Variants in NXPH1 observed in about 807,000 individuals in gnomAD.
The protein encoded by NXPH1 is neurexophilin-1.
Under a neutral mutation model 23.7 loss-of-function variants are expected in NXPH1, and 5 were observed. That is an observed-to-expected ratio of 0.21 (90% CI 0.11 to 0.44). The LOEUF (loss-of-function observed/expected upper bound fraction) is 0.44, where lower values mean the gene tolerates loss of function less well. Ranked by LOEUF, NXPH1 falls within the 20% of genes least tolerant of loss-of-function variation. NXPH1 has a pLI of 0.99. For missense variants in NXPH1, 324 were observed against 321.6 expected (o/e 1.01, Z -0.06); for synonymous variants, 144 against 122.2 (o/e 1.18, Z -1.18).
At chr7:8,468,111 T>C (rs1326570245) in intron 2 of NXPH1, among the ~76,000 whole-genome samples, 2 of 152,122 alleles carry the variant, frequency 1.3e-5, no homozygotes, top group African/African-American at 4.8e-5. Flanking sequence ...TAATATACTT[T>C]CACCAAAATT....
intron 2 of NXPH1, among the ~76,000 whole-genome samples, chr7:8,645,363 G>A (rs886072167): frequency 2.6e-5 from 4 of 152,008 alleles, no homozygotes; most frequent in African/African-American, 9.7e-5. Flanking sequence ...TATATTATAT[G>A]GAAGGTTGTA....
intron 2 of NXPH1, among the ~76,000 whole-genome samples, chr7:8,541,095 CA>C (rs1301650338): frequency 6.6e-6 from 1 of 151,654 alleles, no homozygotes; most frequent in Non-Finnish European, 1.5e-5. Context: ...GGAGAAAAAT[CA>C]AACAATCAAA....
chr7:8,622,665 A>G (rs114969869), intron 2 of NXPH1, among the ~76,000 whole-genome samples: 2,648 of 152,300 alleles, frequency 0.017, 54 homozygotes, highest in South Asian at 0.044. Flanking sequence ...TGATTTGTCA[A>G]CAAGTCAGGA....
chr7:8,563,846 T>A (rs7788869), intron 2 of NXPH1, among the ~76,000 whole-genome samples: 12,359 of 151,836 alleles, frequency 0.081, 1,674 homozygotes, highest in African/African-American at 0.28. Context: ...GCCCAAACCA[T>A]AAACCCTGGA....
intron 2 of NXPH1, among the ~76,000 whole-genome samples, chr7:8,574,964 C>A (rs758017061): frequency 1.3e-5 from 2 of 152,104 alleles, no homozygotes; most frequent in Non-Finnish European, 2.9e-5. Context: ...ACCAGACATG[C>A]TTGGTTAAGA....
intron 2 of NXPH1, among the ~76,000 whole-genome samples, chr7:8,477,702 G>C (rs1353811970): frequency 6.6e-6 from 1 of 152,106 alleles, no homozygotes; most frequent in Non-Finnish European, 1.5e-5. Flanking sequence ...GCTGGGGGAG[G>C]ATGGCTGCAT....
At chr7:8,656,285 C>T (rs1200110773) in intron 2 of NXPH1, among the ~76,000 whole-genome samples, 3 of 152,088 alleles carry the variant, frequency 2.0e-5, no homozygotes, top group Non-Finnish European at 2.9e-5. Flanking sequence ...CAAGTAGGTT[C>T]TCTGTAATAT....
At chr7:8,711,630 T>A (rs969733018) in intron 2 of NXPH1, among the ~76,000 whole-genome samples, 1 of 152,022 alleles carries the variant, frequency 6.6e-6, no homozygotes, top group African/African-American at 2.4e-5. Context: ...TTTTGGGGTA[T>A]GGGAAGAAAG....
intron 2 of NXPH1, among the ~76,000 whole-genome samples, chr7:8,620,138 C>T (rs6960080): frequency 0.33 from 50,232 of 152,012 alleles, 9,880 homozygotes; most frequent in African/African-American, 0.54. Context: ...CTACTATTAT[C>T]TTCTGTGTAC....
intron 2 of NXPH1, among the ~76,000 whole-genome samples, chr7:8,439,995 T>C (rs1035391483): frequency 1.3e-5 from 2 of 152,220 alleles, no homozygotes; most frequent in Non-Finnish European, 1.5e-5. Context: ...ACAGTGGCTA[T>C]TAAGTGTTCC....
chr7:8,747,968 G>A (rs1009871208), intron 2 of NXPH1, among the ~76,000 whole-genome samples: 2 of 152,128 alleles, frequency 1.3e-5, no homozygotes, highest in Admixed American at 6.5e-5. Flanking sequence ...ACTAACTCTG[G>A]AGCTGCTAAG....
chr7:8,627,553 G>A (rs894834562), intron 2 of NXPH1, among the ~76,000 whole-genome samples: 10 of 152,144 alleles, frequency 6.6e-5, no homozygotes, highest in Admixed American at 2.0e-4. Context: ...TAGGCAGAAT[G>A]CCAAGGGGCT....
At chr7:8,565,976 T>C (rs1374899695) in intron 2 of NXPH1, among the ~76,000 whole-genome samples, 1 of 151,858 alleles carries the variant, frequency 6.6e-6, no homozygotes, top group Non-Finnish European at 1.5e-5. Flanking sequence ...CTTAAAGTGC[T>C]GACAGTTTCC....
intron 2 of NXPH1, among the ~76,000 whole-genome samples, chr7:8,498,966 G>C (rs979751087): frequency 1.3e-5 from 2 of 152,070 alleles, no homozygotes; most frequent in Non-Finnish European, 1.5e-5. Context: ...TAACATTTGA[G>C]TATAAAGTTT....
chr7:8,564,155 A>G (rs1239038095), intron 2 of NXPH1, among the ~76,000 whole-genome samples: 2 of 151,724 alleles, frequency 1.3e-5, no homozygotes, highest in East Asian at 1.9e-4. Flanking sequence ...AGAAACATCA[A>G]TCACCTTGCC....
intron 2 of NXPH1, among the ~76,000 whole-genome samples, chr7:8,506,530 T>A (rs1425259078): frequency 6.6e-6 from 1 of 152,106 alleles, no homozygotes; most frequent in African/African-American, 2.4e-5. Flanking sequence ...AGGAACAGAC[T>A]ATTAATGAGT....
chr7:8,610,786 C>A (rs1165706883), intron 2 of NXPH1, among the ~76,000 whole-genome samples: 1 of 151,530 alleles, frequency 6.6e-6, no homozygotes, highest in Non-Finnish European at 1.5e-5. Context: ...TGTTTTAAAT[C>A]CCATCTCCAT....
chr7:8,686,296 G>T (rs1821144804), intron 2 of NXPH1, among the ~76,000 whole-genome samples: 1 of 151,974 alleles, frequency 6.6e-6, no homozygotes, highest in South Asian at 2.1e-4. Context: ...TACGTCTAAT[G>T]AAAATTCTGT....
chr7:8,751,361 G>T lies in NXPH1; in HGVS notation c.408G>T (p.Leu136Phe). The change falls in exon 3 of 3, where the codon TTG becomes TTT. Residue 136 changes from leucine to phenylalanine, a missense_variant. Physicochemically the swap from Leu to Phe is conservative, Grantham distance 22. Coordinates refer to ENST00000405863, the MANE Select transcript of NXPH1 (RefSeq NM_152745.3). The surrounding 1 kb of genome is among the most constrained non-coding windows in gnomAD (Gnocchi z 4.5). The stretch of plus-strand genomic sequence containing the variant: ...TCAAAACAGTGAAGCTGAACCTGTT[G>T]ATAACTGGGAAAATTGTAGATCATG... ...SNIKTVKLNL[L>F]ITGKIVDHGN... is the part of the protein sequence containing the mutation. The T allele has an allele frequency of 6.2e-7, 1 of 1,613,900 alleles. No homozygotes were observed. Among genetic ancestry groups the T allele is most frequent in the Non-Finnish European group, 8.5e-7 (1 of 1,179,848 alleles).
Sources: allele counts gnomAD v4.1 joint callset (sites outside exome capture counted in the v4.1 genomes callset), GRCh38; gene constraint gnomAD v4.1.1; non-coding constraint Gnocchi (gnomAD v3.1); transcripts MANE v1.5; gene names NCBI Gene and HGNC (gene_info 2026-07-23, HGNC 2026-07-21).